GREP1: variants seen among roughly 807,000 people sequenced by gnomAD.
GREP1 encodes glycine-rich extracellular protein 1.
At chr16:2,998,897 T>C in exon 26 of GREP1, 3 of 398,990 alleles carry the variant, frequency 7.5e-6, no homozygotes, top group Non-Finnish European at 1.3e-5. Context: ...GGCTTCCCAC[T>C]CCAGGGGTCC....
At chr16:2,999,119 T>C (rs750004478) in intron 26 of GREP1, 140 bp downstream of exon 24, 1 of 398,600 alleles carries the variant, frequency 2.5e-6, no homozygotes, top group Non-Finnish European at 4.4e-6. Flanking sequence ...AGTGATCTGC[T>C]GAGGAGAAGC....
At chr16:2,997,481 C>A (rs2072431719) in intron 22 of GREP1, 7 of 398,944 alleles carry the variant, frequency 1.8e-5, no homozygotes, top group South Asian at 1.3e-4. Context: ...GCCTGGCTCT[C>A]CCCTGACCCT....
In GREP1 at chr16:2,991,405, C is replaced by A; in HGVS notation, c.322+304C>A. ...TTGGGGAGCAGAAGTGGTTTGGGCG[C>A]TGGCACTCTTCCAGGGGCAGGAACC... On this transcript the variant is annotated intron_variant, in intron 8 of 34. Transcript: ENST00000573315. The surrounding 1 kb of genome is among the most constrained non-coding windows in gnomAD (Gnocchi z 4.9). The A allele has an allele frequency of 3.3e-6, 1 of 304,192 alleles. No homozygotes were observed. The highest frequency in any genetic ancestry group is 6.0e-6 in the Non-Finnish European group (1 of 166,688). 18.8% of individuals were successfully genotyped at this position (304,192 alleles called of 1,614,324 possible).
intron 25 of GREP1, 44 bp downstream of exon 23, chr16:2,998,567 G>A: frequency 2.5e-6 from 1 of 399,132 alleles, no homozygotes; most frequent in Non-Finnish European, 4.4e-6. Flanking sequence ...GAGGAAGGGA[G>A]AGGGAGGCTG....
rs115733899 is a variant in GREP1, at chr16:2,989,981, T to C, written c.138T>C (p.Asp46=). ...ACCTCCCTGTCTCTCCAGGCTATGA[T>C]GGGGGCGTGAAGCCACAGAAGCCAG... The change falls in exon 4 of 35, where the codon GAT becomes GAC. Residue 46 remains aspartate (D), a synonymous_variant. Transcript: ENST00000573315. This position sits in a 1 kb window ranked among gnomAD's most constrained non-coding sequence, Gnocchi z 4.2. The C allele has an allele frequency of 8.8e-3, 3,509 of 399,150 alleles. 109 individuals are homozygous for C. Among genetic ancestry groups the C allele is most frequent in the African/African-American group, 0.065 (3,142 of 48,670 alleles). 24.7% of individuals were successfully genotyped at this position (399,150 alleles called of 1,614,324 possible).
Position 2,992,810 on chromosome 16 carries a change from G to A in GREP1, c.328G>A (p.Ala110Thr). The A allele has an allele frequency of 5.0e-6, 2 of 399,168 alleles. No homozygotes were observed. 24.7% of individuals were successfully genotyped at this position (399,168 alleles called of 1,614,324 possible). A position where few individuals can be genotyped will look rare whatever the true frequency, so the allele number is the denominator to read the frequency against. Residue 110 changes from alanine to threonine, a missense_variant, in exon 9 of 35, where the codon GCC becomes ACC. Ala to Thr is a moderately conservative substitution (Grantham distance 58). Transcript: ENST00000573315. The surrounding 1 kb of genome is among the most constrained non-coding windows in gnomAD (Gnocchi z 4.9). ...CTGTGTCTGCCCTCAAACAGGTCCT[G>A]CCGCTCAAAATGGCTTTGGACCAGG...
In GREP1 at chr16:2,989,793, G is replaced by T. The variant is rs897056288; in HGVS notation, c.131-181G>T. 2.6e-5 allele frequency among the ~76,000 whole-genome samples: 4 copies of T among 152,028 alleles called. No homozygotes were observed. Among genetic ancestry groups the T allele is most frequent in the Non-Finnish European group, 1.5e-5 (1 of 67,962 alleles). On this transcript the variant is annotated intron_variant, in intron 3 of 34. Transcript: ENST00000573315. The surrounding 1 kb of genome is among the most constrained non-coding windows in gnomAD (Gnocchi z 4.2). ...AGAAAGGAAAGAGAGCAGAAAGGAA[G>T]GAGAGAGGGAAGGAGGGAGGGAAGG...
At chr16:2,995,902 C>T in exon 18 of GREP1, 1 of 398,434 alleles carries the variant, frequency 2.5e-6, no homozygotes, top group Non-Finnish European at 4.4e-6. Flanking sequence ...GGGGCTGGAA[C>T]CCAGCCAGGT....
intron 13 of GREP1, 69 bp downstream of exon 14, chr16:2,995,031 T>G (rs1007951348): frequency 2.5e-6 from 1 of 398,610 alleles, no homozygotes; most frequent in Non-Finnish European, 4.4e-6. Context: ...GGGGCGGGAT[T>G]GGTGAATGAT....
Position 2,989,239 on chromosome 16 carries a change from G to C in GREP1, c.101-284G>C, listed in dbSNP as rs1242486785. 2 of 374,702 alleles carry C rather than the reference G, an allele frequency of 5.3e-6. No individual in the cohort carries two copies. The highest frequency in any genetic ancestry group is 9.5e-6 in the Non-Finnish European group (2 of 211,448). The allele number at this position is 374,702 out of a possible 1,614,324, so 23.2% of individuals were successfully genotyped here. ...CTCAGACACCTTCCTCCAGGCCCAG[G>C]GGCCCTCTAGCCTCCACTGCCCTAG... is the stretch of plus-strand genomic sequence containing the variant. On this transcript the variant is annotated intron_variant, in intron 2 of 34. Coordinates refer to ENST00000573315, the Ensembl canonical transcript of GREP1. The surrounding 1 kb of genome is among the most constrained non-coding windows in gnomAD (Gnocchi z 4.2).
rs2072405940 is a variant in GREP1 at position 2,992,861 on chromosome 16, G to A, written c.352+27G>A. 1 of 399,026 alleles carries A rather than the reference G, an allele frequency of 2.5e-6. No homozygotes were observed. Among genetic ancestry groups the A allele is most frequent in the Admixed American group, 4.4e-5 (1 of 22,720 alleles). The allele number at this position is 399,026 out of a possible 1,614,324, so 24.7% of individuals were successfully genotyped here. ...TAAAGAGGGTGGGGACGGAAGCGGG[G>A]AGCCTGGGGCTGAGATTCTGGGCAC... On this transcript the variant is annotated intron_variant, in intron 9 of 34. Transcript: ENST00000573315. This position sits in a 1 kb window ranked among gnomAD's most constrained non-coding sequence, Gnocchi z 4.9.
chr16:2,988,778 G>A (rs2072384081), intron 2 of GREP1, among the ~76,000 whole-genome samples, 156 bp downstream of exon 2: 1 of 152,200 alleles, frequency 6.6e-6, no homozygotes, highest in Non-Finnish European at 1.5e-5. Context: ...GTCCACTCAA[G>A]GGTGGGGAGC....
intron 32 of GREP1, 54 bp from the exon 27 acceptor site, chr16:3,000,660 A>T: frequency 2.5e-6 from 1 of 398,880 alleles, no homozygotes; most frequent in Non-Finnish European, 4.4e-6. Flanking sequence ...AACAGGGGCC[A>T]GGGGTCCCAG....
At chr16:2,997,972 C>T in intron 23 of GREP1, 137 bp downstream of exon 21, 1 of 395,390 alleles carries the variant, frequency 2.5e-6, no homozygotes, top group South Asian at 1.4e-4. Context: ...TGGGAAGGAG[C>T]CCAGCCAGGT....
intron 18 of GREP1, among the ~76,000 whole-genome samples, chr16:2,996,118 A>C (rs2151102097): frequency 6.6e-6 from 1 of 152,254 alleles, no homozygotes; most frequent in Admixed American, 6.5e-5. Flanking sequence ...TTTTTGGTAG[A>C]GACAGGATTT....
In GREP1 at chr16:2,989,821, G is replaced by A. The variant is rs942173051; in HGVS notation, c.131-153G>A. On this transcript the variant is annotated intron_variant, in intron 3 of 34. Coordinates refer to ENST00000573315, the Ensembl canonical transcript of GREP1. This position sits in a 1 kb window ranked among gnomAD's most constrained non-coding sequence, Gnocchi z 4.2. Reference sequence around the variant, plus strand: ...GAGAGGGAAGGAGGGAGGGAAGGAGGCTGATAGCACCCACCTGTGCCCCAC... The same window carrying A: ...GAGAGGGAAGGAGGGAGGGAAGGAGACTGATAGCACCCACCTGTGCCCCAC... 2.0e-5 allele frequency among the ~76,000 whole-genome samples: 3 copies of A among 151,492 alleles called. No individual in the cohort carries two copies. Among genetic ancestry groups the A allele is most frequent in the Non-Finnish European group, 4.4e-5 (3 of 67,772 alleles).
intron 25 of GREP1, 138 bp downstream of exon 23, chr16:2,998,661 C>T: frequency 5.0e-6 from 2 of 397,912 alleles, no homozygotes. Context: ...ATCCCCAGGT[C>T]CCCCCAGGAG....
chr16:2,990,180 G>T, intron 5 of GREP1, 58 bp downstream of exon 5: 1 of 398,434 alleles, frequency 2.5e-6, no homozygotes, highest in South Asian at 1.3e-4. Context: ...GGAAGAGGCA[G>T]GATTGGAGAG....
At position 2,994,971 on chromosome 16, in the gene GREP1, G is replaced by A. The variant is rs2072417285; in HGVS notation, c.484+9G>A. The A allele has an allele frequency of 7.5e-6, 3 of 399,130 alleles. No individual in the cohort carries two copies. The highest frequency in any genetic ancestry group is 8.8e-6 in the Non-Finnish European group (2 of 226,262). The allele number at this position is 399,130 out of a possible 1,614,324, so 24.7% of individuals were successfully genotyped here. ...GCTGGGAGCCCAGCCAGGTGAAGGG[G>A]GTACAGTCTGGGGTTCCAGGGTCTG... On this transcript the variant is annotated intron_variant, in intron 13 of 34. Coordinates refer to ENST00000573315, the Ensembl canonical transcript of GREP1.
Sources: allele counts gnomAD v4.1 joint callset (sites outside exome capture counted in the v4.1 genomes callset), GRCh38; gene constraint gnomAD v4.1.1; non-coding constraint Gnocchi (gnomAD v3.1); transcripts MANE v1.5; gene names NCBI Gene and HGNC (gene_info 2026-07-23, HGNC 2026-07-21).